Variants in MAGI2 observed in about 807,000 individuals in gnomAD.
The protein encoded by MAGI2 is membrane associated guanylate kinase, WW and PDZ domain containing 2.
In MAGI2, 35 loss-of-function variants were observed where a neutral mutation model predicts 133.3. The ratio of observed to expected loss-of-function variants is 0.26; its 90% CI spans 0.20 to 0.35. The LOEUF (loss-of-function observed/expected upper bound fraction) is 0.35. Ranked by LOEUF, MAGI2 falls within the 10% of genes least tolerant of loss-of-function variation. The pLI is 1.00. For missense variants in MAGI2, 1,636 were observed against 1,863.4 expected (o/e 0.88, Z 2.25); for synonymous variants, 729 against 710.6 (o/e 1.03, Z -0.41).
In MAGI2 at chr7:78,342,458, T is replaced by G. The variant is rs777166290; in HGVS notation, c.1408+1320A>C. Among the ~76,000 whole-genome samples the G allele has an allele frequency of 1.7e-3, 263 of 152,258 alleles. 1 individual carries two copies. The highest frequency in any genetic ancestry group is 3.4e-3 in the Middle Eastern group (1 of 294). ...ATTTGACCTAGCAATCCCATTACTA[T>G]ATATATACCCAAAGGATTATAAATC... On this transcript the variant is annotated intron_variant, in intron 9 of 21. Coordinates refer to ENST00000354212, the MANE Select transcript of MAGI2 (RefSeq NM_012301.4).
intron 2 of MAGI2, among the ~76,000 whole-genome samples, chr7:78,757,444 C>G (rs1323023931): frequency 6.6e-6 from 1 of 152,008 alleles, no homozygotes; most frequent in Non-Finnish European, 1.5e-5. Context: ...CTCTCTGGCT[C>G]CTGCCTTATT....
At chr7:78,755,193 C>T (rs1823825866) in intron 2 of MAGI2, among the ~76,000 whole-genome samples, 2 of 152,194 alleles carry the variant, frequency 1.3e-5, no homozygotes, top group East Asian at 3.9e-4. Flanking sequence ...ACTAAATGAT[C>T]CTGAGCTCAA....
chr7:78,333,132 T>C (rs1227143807), intron 9 of MAGI2, among the ~76,000 whole-genome samples: 1 of 152,238 alleles, frequency 6.6e-6, no homozygotes, highest in African/African-American at 2.4e-5. Flanking sequence ...TATAACCACT[T>C]CCTTTATTTT....
chr7:78,220,159 CCTGGGCTGTGTGACAA>C (rs1788667611), intron 10 of MAGI2, among the ~76,000 whole-genome samples: 2 of 152,310 alleles, frequency 1.3e-5, no homozygotes, highest in African/African-American at 2.4e-5. Context: ...TCTCAGAACA[CCTGGGCTGTGTGACAA>C]CTCTATCTTT....
chr7:78,017,892 G>A lies in MAGI2; in HGVS notation c.*1423C>T, dbSNP rs746170584. On this transcript the variant is annotated 3_prime_UTR_variant, in exon 22 of 22. Transcript: ENST00000354212. Reference sequence around the variant, plus strand: ...ATTTGCATTTGAACTCCTGTAAAGAGTAAGAATATGGAAAGGATGAAGCCT... The same window carrying A: ...ATTTGCATTTGAACTCCTGTAAAGAATAAGAATATGGAAAGGATGAAGCCT... 2.6e-5 allele frequency: 4 copies of A among 152,192 alleles called. No homozygotes were observed. Among genetic ancestry groups the A allele is most frequent in the Admixed American group, 2.6e-4 (4 of 15,262 alleles). The allele number at this position is 152,192 out of a possible 1,614,324, so 9.4% of individuals were successfully genotyped here.
intron 10 of MAGI2, among the ~76,000 whole-genome samples, chr7:78,224,396 T>C (rs558552732): frequency 1.3e-5 from 2 of 152,300 alleles, no homozygotes; most frequent in Non-Finnish European, 2.9e-5. Flanking sequence ...CCAGGCGCGG[T>C]GGCTCATGCC....
chr7:79,001,571 G>A (rs528117376), intron 2 of MAGI2, among the ~76,000 whole-genome samples: 2 of 152,230 alleles, frequency 1.3e-5, no homozygotes, highest in South Asian at 2.1e-4. Context: ...AAACAGCCGT[G>A]ATTATTTTTT....
chr7:78,410,271 C>T (rs1797754086), intron 6 of MAGI2, among the ~76,000 whole-genome samples: 1 of 152,032 alleles, frequency 6.6e-6, no homozygotes. Context: ...CTCGACCCTG[C>T]TATAAATAAT....
At chr7:78,912,325 C>T (rs1037287525) in intron 2 of MAGI2, among the ~76,000 whole-genome samples, 1 of 152,116 alleles carries the variant, frequency 6.6e-6, no homozygotes, top group Non-Finnish European at 1.5e-5. Flanking sequence ...AAGCAATGAA[C>T]TCAGCTGAGT....
chr7:78,682,074 A>G (rs1815732543), intron 2 of MAGI2, among the ~76,000 whole-genome samples: 1 of 152,152 alleles, frequency 6.6e-6, no homozygotes, highest in South Asian at 2.1e-4. Context: ...GAATTAAAGT[A>G]TTAATTCTAA....
intron 2 of MAGI2, among the ~76,000 whole-genome samples, chr7:78,933,351 C>T (rs532180438): frequency 2.6e-4 from 40 of 152,182 alleles, no homozygotes; most frequent in Middle Eastern, 3.4e-3. Flanking sequence ...ATGCTAGAAG[C>T]GGTGAACAGA....
chr7:78,184,072 A>G (rs1462389958), intron 13 of MAGI2, among the ~76,000 whole-genome samples: 4 of 152,226 alleles, frequency 2.6e-5, no homozygotes, highest in Non-Finnish European at 4.4e-5. Context: ...ATATATGTCA[A>G]AGTAATCTAA....
intron 1 of MAGI2, among the ~76,000 whole-genome samples, chr7:79,433,618 A>C (rs958419210): frequency 5.9e-5 from 9 of 152,110 alleles, no homozygotes; most frequent in Non-Finnish European, 1.3e-4. Flanking sequence ...AACTGGTTAC[A>C]TGAGACAGTA....
intron 3 of MAGI2, among the ~76,000 whole-genome samples, chr7:78,573,396 A>ATATATATATATATATATATG (rs1801933320): frequency 3.2e-5 from 2 of 62,120 alleles, no homozygotes; most frequent in African/African-American, 6.0e-5. Context: ...ATATATATAT[A>ATATATATATATATATATATG]TATATATAGG....
intron 6 of MAGI2, among the ~76,000 whole-genome samples, chr7:78,460,020 T>C (rs1342333075): frequency 6.6e-6 from 1 of 152,228 alleles, no homozygotes; most frequent in African/African-American, 2.4e-5. Flanking sequence ...TCTTCTAGTG[T>C]TTCCCAAAGA....
At chr7:78,041,248 A>G (rs1171908398) in intron 21 of MAGI2, among the ~76,000 whole-genome samples, 5 of 152,198 alleles carry the variant, frequency 3.3e-5, no homozygotes, top group African/African-American at 1.2e-4. Context: ...GCCAAACACA[A>G]ACACACAGAA....
intron 2 of MAGI2, among the ~76,000 whole-genome samples, chr7:78,648,790 T>G (rs1446360178): frequency 6.6e-6 from 1 of 151,630 alleles, no homozygotes; most frequent in Non-Finnish European, 1.5e-5. Flanking sequence ...TTCCTATCTA[T>G]TCTGAAAGTT....
At position 79,262,761 on chromosome 7, in the gene MAGI2, G is replaced by A. The variant is rs140050274; in HGVS notation, c.301+190259C>T. On this transcript the variant is annotated intron_variant, in intron 1 of 21. Transcript: ENST00000354212. ...AAGTTTTGGGCAAAGCACACAGTGC[G>A]GTGCTAGAAAATACATACACTGTTT... Among the ~76,000 whole-genome samples, 70 of 152,200 alleles carry A rather than the reference G, an allele frequency of 4.6e-4. No individual in the cohort carries two copies. In the East Asian group the frequency reaches 0.012, roughly 25 times the overall value.
Position 78,230,461 on chromosome 7 carries a change from T to C in MAGI2, c.2047+25482A>G, listed in dbSNP as rs1426781977. The stretch of plus-strand genomic sequence containing the variant: ...CAAGTTTTAAAAACTTTGTTGCTAG[T>C]ACTTTTTAGTGAATATGCAATTTTT... On this transcript the variant is annotated intron_variant, in intron 10 of 21. Transcript: ENST00000354212. Among the ~76,000 whole-genome samples the C allele has an allele frequency of 5.9e-5, 9 of 152,256 alleles. No homozygotes were observed. The East Asian group carries it at 1.7e-3, about 29-fold the overall frequency.
Sources: allele counts gnomAD v4.1 joint callset (sites outside exome capture counted in the v4.1 genomes callset), GRCh38; gene constraint gnomAD v4.1.1; transcripts MANE v1.5; gene names NCBI Gene and HGNC (gene_info 2026-07-23, HGNC 2026-07-21).